Variants in GALNT17 observed in about 807,000 individuals in gnomAD.
GALNT17 encodes the protein UDP-GalNAc:polypeptide N-acetylgalactosaminyltransferase-like 3.
GALNT17 carries 29 observed loss-of-function variants against 63.7 expected under a neutral mutation model. That is an observed-to-expected ratio of 0.46 (90% CI 0.34 to 0.62). The LOEUF is 0.62. Among genes scored for constraint, GALNT17 ranks in the 20% least tolerant of loss-of-function variants. The pLI is 0.01. For missense variants in GALNT17, 603 were observed against 799.6 expected, an observed-to-expected ratio of 0.75 and a Z score of 2.97; for synonymous variants, 305 against 318.3, an observed-to-expected ratio of 0.96 and a Z score of 0.45.
At chr7:71,430,982 A>C (rs1013048837) in intron 5 of GALNT17, among the ~76,000 whole-genome samples, 1 of 152,098 alleles carries the variant, frequency 6.6e-6, no homozygotes. Flanking sequence ...GATGGAGTTC[A>C]TGGGTGGTGA....
chr7:71,537,920 A>G (rs2116797297), intron 5 of GALNT17, among the ~76,000 whole-genome samples: 1 of 152,282 alleles, frequency 6.6e-6, no homozygotes, highest in Non-Finnish European at 1.5e-5. Flanking sequence ...ATCACAGATC[A>G]AGGAATTCCT....
At chr7:71,588,950 A>G (rs1451747428) in intron 6 of GALNT17, among the ~76,000 whole-genome samples, 1 of 152,196 alleles carries the variant, frequency 6.6e-6, no homozygotes, top group Non-Finnish European at 1.5e-5. Flanking sequence ...GCATACCAAA[A>G]CTGAGCCAGA....
intron 5 of GALNT17, among the ~76,000 whole-genome samples, chr7:71,469,164 G>A (rs954140986): frequency 1.3e-5 from 2 of 152,144 alleles, no homozygotes; most frequent in South Asian, 2.1e-4. Context: ...GTATGTGAAG[G>A]TTCTAAGGTG....
chr7:71,368,970 G>C (rs1228738371), intron 2 of GALNT17, among the ~76,000 whole-genome samples: 1 of 151,944 alleles, frequency 6.6e-6, no homozygotes, highest in Non-Finnish European at 1.5e-5. Context: ...GATGAAATAA[G>C]AATCGGAATT....
In GALNT17 at chr7:71,693,301, C is replaced by CATATAT. The variant is rs1280771901; in HGVS notation, c.1500+15996_1500+15997insTATATA. Among the ~76,000 whole-genome samples the CATATAT allele has an allele frequency of 1.2e-4, 10 of 82,554 alleles. 1 individual carries two copies. Among genetic ancestry groups the CATATAT allele is most frequent in the African/African-American group, 3.0e-4 (8 of 27,036 alleles). The allele number at this position is 82,554 out of a possible 152,430, so 54.2% of individuals were successfully genotyped here. A position where few individuals can be genotyped will look rare whatever the true frequency, so the allele number is the denominator to read the frequency against. ...ACACACACACACACACACACACACACACACACACATATATATATATGGAGA... is the reference window on the plus strand; with the variant it reads ...ACACACACACACACACACACACACACATATATACACACACATATATATATATGGAGA... On this transcript the variant is annotated intron_variant, in intron 9 of 10. Transcript: ENST00000333538.
intron 6 of GALNT17, among the ~76,000 whole-genome samples, chr7:71,623,442 G>A (rs1451322086): frequency 6.6e-6 from 1 of 151,498 alleles, no homozygotes; most frequent in Non-Finnish European, 1.5e-5. Context: ...TTTTGAGACA[G>A]AGTCTTACTC....
chr7:71,504,852 A>G (rs1788240678), intron 5 of GALNT17, among the ~76,000 whole-genome samples: 1 of 151,972 alleles, frequency 6.6e-6, no homozygotes, highest in Non-Finnish European at 1.5e-5. Context: ...AATAGCTCTC[A>G]GATCTCTCTA....
At chr7:71,677,541 G>A (rs967710138) in intron 9 of GALNT17, among the ~76,000 whole-genome samples, 38 of 149,660 alleles carry the variant, frequency 2.5e-4, no homozygotes, top group African/African-American at 7.9e-4. Context: ...TTGAGATGGC[G>A]TCTCACTCTG....
chr7:71,455,904 A>C (rs1404061349), intron 5 of GALNT17, among the ~76,000 whole-genome samples: 3 of 152,186 alleles, frequency 2.0e-5, no homozygotes, highest in South Asian at 4.1e-4. Context: ...TTCTGTTCCT[A>C]TGAGAAGGCT....
At chr7:71,252,674 A>G (rs143810060) in intron 1 of GALNT17, among the ~76,000 whole-genome samples, 4 of 152,328 alleles carry the variant, frequency 2.6e-5, no homozygotes, top group African/African-American at 9.6e-5. Context: ...AGAGTGTTAG[A>G]TCATACATAT....
intron 1 of GALNT17, among the ~76,000 whole-genome samples, chr7:71,177,324 G>A (rs1788657950): frequency 6.6e-6 from 1 of 152,088 alleles, no homozygotes; most frequent in Non-Finnish European, 1.5e-5. Flanking sequence ...GTCTTAGAAA[G>A]CCTGCTCCCC....
At chr7:71,148,397 C>G (rs1192826579) in intron 1 of GALNT17, among the ~76,000 whole-genome samples, 1 of 152,148 alleles carries the variant, frequency 6.6e-6, no homozygotes, top group Non-Finnish European at 1.5e-5. Context: ...AAAATGTTTT[C>G]CAGAAGTCTA....
rs2116128592 is a variant in GALNT17, at chr7:71,341,803, A to C, written c.422+6070A>C. Among the ~76,000 whole-genome samples the C allele has an allele frequency of 2.0e-5, 3 of 152,326 alleles. No individual in the cohort carries two copies. In the Middle Eastern group the frequency reaches 0.01, roughly 518 times the overall value. On this transcript the variant is annotated intron_variant, in intron 2 of 10. Transcript: ENST00000333538. ...AGCTACTCAAGCACATGCTCCAGCAAAACAAAGGAGTCAAGTGAGGAAGAT... is the reference window on the plus strand; with the variant it reads ...AGCTACTCAAGCACATGCTCCAGCACAACAAAGGAGTCAAGTGAGGAAGAT...
intron 9 of GALNT17, among the ~76,000 whole-genome samples, chr7:71,679,508 A>C (rs1432511636): frequency 1.3e-5 from 2 of 152,208 alleles, no homozygotes; most frequent in Non-Finnish European, 2.9e-5. Flanking sequence ...AGCTGGTATG[A>C]TGCAGTCTTT....
At chr7:71,230,684 C>G (rs1012817671) in intron 1 of GALNT17, among the ~76,000 whole-genome samples, 1 of 152,142 alleles carries the variant, frequency 6.6e-6, no homozygotes, top group Non-Finnish European at 1.5e-5. Context: ...AGAGAGCAGA[C>G]AACCATCTTC....
chr7:71,654,504 C>T (rs968554983), intron 6 of GALNT17, among the ~76,000 whole-genome samples: 1 of 152,180 alleles, frequency 6.6e-6, no homozygotes, highest in East Asian at 1.9e-4. Context: ...AGTGGTGTAC[C>T]TACTTCCCCT....
intron 1 of GALNT17, among the ~76,000 whole-genome samples, chr7:71,240,789 C>T (rs907412223): frequency 7.9e-5 from 12 of 151,946 alleles, no homozygotes; most frequent in East Asian, 1.9e-4. Context: ...CTCAGCCTCC[C>T]GAGTTGCTGG....
chr7:71,446,204 C>T (rs1442176041), intron 5 of GALNT17, among the ~76,000 whole-genome samples: 1 of 152,086 alleles, frequency 6.6e-6, no homozygotes, highest in Non-Finnish European at 1.5e-5. Flanking sequence ...AAGAACAAGA[C>T]CAGAGCCTAG....
At chr7:71,529,625 C>CAT in intron 5 of GALNT17, among the ~76,000 whole-genome samples, 1 of 152,306 alleles carries the variant, frequency 6.6e-6, no homozygotes, top group South Asian at 2.1e-4. Flanking sequence ...TGTGTACAGA[C>CAT]ATATTAAGAG....
Sources: allele counts gnomAD v4.1 joint callset (sites outside exome capture counted in the v4.1 genomes callset), GRCh38; gene constraint gnomAD v4.1.1; transcripts MANE v1.5; gene names NCBI Gene and HGNC (gene_info 2026-07-23, HGNC 2026-07-21).